The following ERC1 variants were observed in gnomAD, a reference collection of about 807,000 sequenced individuals.
ERC1 encodes the protein ELKS/RAB6-interacting/CAST family member 1.
A neutral mutation model predicts 132.0 loss-of-function variants in ERC1; 56 were observed. That is an observed-to-expected ratio of 0.42 (90% confidence interval 0.34 to 0.53). The LOEUF (loss-of-function observed/expected upper bound fraction) is 0.53. Among genes scored for constraint, ERC1 ranks in the 20% least tolerant of loss-of-function variants. ERC1 has a pLI of 0.03. For synonymous variants in ERC1, 478 were observed against 476.1 expected (o/e 1.00, Z -0.05); for missense variants, 1,202 against 1,349.9 (o/e 0.89, Z 1.72).
chr12:1,302,337 A>C (rs746585234), intron 15 of ERC1, among the ~76,000 whole-genome samples: 1 of 152,228 alleles, frequency 6.6e-6, no homozygotes, highest in Non-Finnish European at 1.5e-5. Flanking sequence ...TAGAGATAGA[A>C]GGTAATTCAG....
chr12:1,368,414 G>T (rs1591572392), intron 15 of ERC1, among the ~76,000 whole-genome samples: 1 of 151,936 alleles, frequency 6.6e-6, no homozygotes, highest in African/African-American at 2.4e-5. Context: ...CAATTATATT[G>T]AGTAGACAGC....
At chr12:1,236,680 C>T in intron 12 of ERC1, 89 bp from the exon 13 acceptor site, 2 of 1,325,452 alleles carry the variant, frequency 1.5e-6, no homozygotes, top group East Asian at 2.5e-5. Context: ...TCAGCCATTC[C>T]TTATTGTCAC....
intron 2 of ERC1, among the ~76,000 whole-genome samples, chr12:1,035,739 G>A (rs536238992): frequency 1.3e-5 from 2 of 152,044 alleles, no homozygotes; most frequent in Admixed American, 6.6e-5. Context: ...TGGCTAACAC[G>A]GTGAAACCCC....
chr12:1,381,074 CTG>C (rs2088595944), intron 16 of ERC1: 1 of 152,178 alleles, frequency 6.6e-6, no homozygotes. Context: ...TGTTTTATGA[CTG>C]AGAAGACATT....
At chr12:1,334,138 G>A (rs1198318190) in intron 15 of ERC1, among the ~76,000 whole-genome samples, 1 of 151,962 alleles carries the variant, frequency 6.6e-6, no homozygotes, top group Non-Finnish European at 1.5e-5. Flanking sequence ...CTGGATATTA[G>A]ACCTTTGTCA....
intron 18 of ERC1, among the ~76,000 whole-genome samples, chr12:1,451,828 A>G (rs1487156747): frequency 1.3e-5 from 2 of 152,110 alleles, no homozygotes; most frequent in African/African-American, 2.4e-5. Flanking sequence ...TCAAAGTGTG[A>G]CGACTATATT....
Position 1,444,557 on chromosome 12 carries a change from C to T in ERC1, c.3025-5C>T. On this transcript the variant is annotated splice_region_variant and splice_polypyrimidine_tract_variant and intron_variant, in intron 17 of 18. Transcript: ENST00000360905. ...ATTTTATTTTATTTTATTTTTTTGCCTTAGATCATCCAGCCCCTCTTAGAA... is the reference window on the plus strand; with the variant it reads ...ATTTTATTTTATTTTATTTTTTTGCTTTAGATCATCCAGCCCCTCTTAGAA... 1.9e-6 allele frequency: 3 copies of T among 1,586,128 alleles called. No homozygotes were observed. The South Asian group carries it at 3.4e-5, about 18-fold the overall frequency.
At chr12:1,446,112 A>G (rs556294786) in intron 18 of ERC1, among the ~76,000 whole-genome samples, 15 of 152,248 alleles carry the variant, frequency 9.9e-5, no homozygotes, top group Admixed American at 3.9e-4. Context: ...CATTCCATCT[A>G]TAGTACTCCC....
chr12:1,163,262 A>AT (rs939349378), intron 8 of ERC1, among the ~76,000 whole-genome samples: 149 of 151,960 alleles, frequency 9.8e-4, no homozygotes, highest in African/African-American at 3.4e-3. Flanking sequence ...AAGGGAGGTT[A>AT]TTTTTTTTAC....
intron 18 of ERC1, among the ~76,000 whole-genome samples, chr12:1,472,460 G>A (rs1025369382): frequency 6.6e-6 from 1 of 152,098 alleles, no homozygotes; most frequent in Non-Finnish European, 1.5e-5. Flanking sequence ...ACCAGTCTGG[G>A]CAACATAGTG....
At chr12:1,028,957 A>G (rs1464459832) in intron 2 of ERC1, among the ~76,000 whole-genome samples, 1 of 152,094 alleles carries the variant, frequency 6.6e-6, no homozygotes, top group Non-Finnish European at 1.5e-5. Context: ...AAGGTATACC[A>G]TTAAGATTTG....
At chr12:1,035,742 GA>G (rs1186294028) in intron 2 of ERC1, among the ~76,000 whole-genome samples, 1 of 152,004 alleles carries the variant, frequency 6.6e-6, no homozygotes, top group African/African-American at 2.4e-5. Context: ...CTAACACGGT[GA>G]AACCCCGTCT....
chr12:1,076,743 A>G (rs1280672761), intron 2 of ERC1, among the ~76,000 whole-genome samples: 1 of 152,158 alleles, frequency 6.6e-6, no homozygotes, highest in Non-Finnish European at 1.5e-5. Flanking sequence ...AACTTCCCAG[A>G]TACTTGCAAT....
chr12:1,125,248 C>G (rs2154229387), intron 7 of ERC1, among the ~76,000 whole-genome samples: 1 of 152,154 alleles, frequency 6.6e-6, no homozygotes, highest in African/African-American at 2.4e-5. Flanking sequence ...CCCACCTTGG[C>G]CTCCCAGAGT....
rs1019668829 is a variant in ERC1 at position 1,491,850 on chromosome 12, G to A, written c.*1620G>A. The A allele has an allele frequency of 4.7e-5, 11 of 232,562 alleles. No individual in the cohort carries two copies. Among genetic ancestry groups the A allele is most frequent in the African/African-American group, 2.4e-4 (11 of 45,298 alleles). The allele number at this position is 232,562 out of a possible 1,614,324, so 14.4% of individuals were successfully genotyped here. A position where few individuals can be genotyped will look rare whatever the true frequency, so the allele number is the denominator to read the frequency against. ...AACAGCAGTCATAAATAATTAGGCAGGAACTTAACCCAAATCTAGTTCTTT... is the reference window on the plus strand; with the variant it reads ...AACAGCAGTCATAAATAATTAGGCAAGAACTTAACCCAAATCTAGTTCTTT... On this transcript the variant is annotated 3_prime_UTR_variant, in exon 19 of 19. Transcript: ENST00000360905.
At chr12:1,106,159 G>T (rs1945240311) in intron 4 of ERC1, among the ~76,000 whole-genome samples, 1 of 152,140 alleles carries the variant, frequency 6.6e-6, no homozygotes, top group Non-Finnish European at 1.5e-5. Context: ...TCAACAAATG[G>T]TGATAGTAAT....
chr12:1,416,766 A>G (rs190558965), intron 17 of ERC1, among the ~76,000 whole-genome samples: 2 of 152,332 alleles, frequency 1.3e-5, no homozygotes, highest in Admixed American at 1.3e-4. Context: ...AAATCAGGAT[A>G]ATAATACACC....
intron 2 of ERC1, among the ~76,000 whole-genome samples, chr12:1,043,427 A>G (rs1970598733): frequency 1.3e-5 from 2 of 152,272 alleles, no homozygotes; most frequent in Admixed American, 1.3e-4. Context: ...TTCTCTTGGT[A>G]TTTCTGATGA....
chr12:1,289,017 C>T (rs1486369178), intron 14 of ERC1, among the ~76,000 whole-genome samples: 1 of 139,250 alleles, frequency 7.2e-6, no homozygotes, highest in Non-Finnish European at 1.5e-5. Flanking sequence ...AGGTCTGTTG[C>T]TGTCAAGGCT....
Sources: gnomAD v4.1 joint callset for allele counts (sites outside exome capture counted in the v4.1 genomes callset) on GRCh38, gnomAD v4.1.1 for gene constraint, MANE v1.5 for transcripts, NCBI Gene and HGNC (gene_info 2026-07-23, HGNC 2026-07-21) for gene names.